ELOVL6: variants seen among roughly 807,000 people sequenced by gnomAD.
ELOVL6 encodes very long chain fatty acid elongase 6.
Under a neutral mutation model 31.7 loss-of-function variants are expected in ELOVL6, and 8 were observed. That is an observed-to-expected ratio of 0.25 (90% CI 0.15 to 0.45). ELOVL6 has a LOEUF of 0.45. Ranked by LOEUF, ELOVL6 falls within the 20% of genes least tolerant of loss-of-function variation. The pLI is 1.00. For synonymous variants in ELOVL6, 101 were observed against 117.7 expected, an observed-to-expected ratio of 0.86 and a Z score of 0.92; for missense variants, 126 against 326.4, an observed-to-expected ratio of 0.39 and a Z score of 4.73.
intron 2 of ELOVL6, among the ~76,000 whole-genome samples, chr4:110,083,075 T>TA (rs936376402): frequency 8.0e-5 from 12 of 150,466 alleles, no homozygotes; most frequent in East Asian, 5.8e-4. Flanking sequence ...TTTATTCACT[T>TA]AAAAAAAAAG....
chr4:110,144,669 G>A (rs548558082), intron 1 of ELOVL6, among the ~76,000 whole-genome samples: 9 of 152,228 alleles, frequency 5.9e-5, no homozygotes, highest in Non-Finnish European at 1.2e-4. Flanking sequence ...CATAATGGAT[G>A]CAGTTAGTGT....
At chr4:110,171,884 C>G (rs961898081) in intron 1 of ELOVL6, among the ~76,000 whole-genome samples, 1 of 151,776 alleles carries the variant, frequency 6.6e-6, no homozygotes, top group African/African-American at 2.4e-5. Flanking sequence ...GAGACAAGGT[C>G]TCACTATATT....
chr4:110,106,924 G>GT (rs1756907067), intron 1 of ELOVL6, among the ~76,000 whole-genome samples: 1 of 152,136 alleles, frequency 6.6e-6, no homozygotes, highest in African/African-American at 2.4e-5. Flanking sequence ...GAAAGCAACA[G>GT]AAACCTTATA....
chr4:110,088,996 T>C (rs751840077), intron 2 of ELOVL6, among the ~76,000 whole-genome samples: 3 of 152,200 alleles, frequency 2.0e-5, no homozygotes, highest in Admixed American at 6.5e-5. Context: ...TCGTGTTTCA[T>C]TGTAGGGACT....
intron 1 of ELOVL6, among the ~76,000 whole-genome samples, chr4:110,112,589 C>T (rs907346931): frequency 3.3e-5 from 5 of 152,174 alleles, no homozygotes; most frequent in Non-Finnish European, 5.9e-5. Context: ...AATTAAAATC[C>T]GGGCTGAGTG....
Position 110,076,122 on chromosome 4 carries a change from C to CAGCT in ELOVL6, c.222-16372_222-16369dup, listed in dbSNP as rs1311840258. On this transcript the variant is annotated intron_variant, in intron 2 of 3. Coordinates refer to ENST00000302274, the MANE Select transcript of ELOVL6 (RefSeq NM_024090.3). ...ACCGAACTCCATTTTCACACAGTCA[C>CAGCT]AGCTAGCATCCTGACAGACAGATGT... 9.2e-5 allele frequency among the ~76,000 whole-genome samples: 14 copies of CAGCT among 152,308 alleles called. No individual in the cohort carries two copies. The East Asian group carries it at 2.7e-3, about 29-fold the overall frequency.
intron 1 of ELOVL6, among the ~76,000 whole-genome samples, chr4:110,160,979 T>C (rs1160829746): frequency 1.3e-5 from 2 of 152,214 alleles, no homozygotes; most frequent in Non-Finnish European, 2.9e-5. Flanking sequence ...AGAATTCAAG[T>C]CATTATCCAG....
intron 1 of ELOVL6, among the ~76,000 whole-genome samples, chr4:110,196,101 AG>A (rs1759769384): frequency 6.6e-6 from 1 of 152,172 alleles, no homozygotes; most frequent in African/African-American, 2.4e-5. Flanking sequence ...AAGCAGGCCT[AG>A]GAAGTGGCCT....
Position 110,152,429 on chromosome 4 carries a change from C to T in ELOVL6, c.89+45818G>A, listed in dbSNP as rs533046135. Among the ~76,000 whole-genome samples the T allele has an allele frequency of 3.9e-5, 6 of 152,316 alleles. No individual in the cohort carries two copies. In the East Asian group the frequency reaches 1.2e-3, roughly 29 times the overall value. ...TTTCCCAAATCTTACCTCTCTGACA[C>T]CCAGCTCAGGATCACCTTTGTTTTA... On this transcript the variant is annotated intron_variant, in intron 1 of 3. Coordinates refer to ENST00000302274, the MANE Select transcript of ELOVL6 (RefSeq NM_024090.3).
At chr4:110,126,336 G>A (rs1757498407) in intron 1 of ELOVL6, among the ~76,000 whole-genome samples, 1 of 152,142 alleles carries the variant, frequency 6.6e-6, no homozygotes, top group Non-Finnish European at 1.5e-5. Flanking sequence ...ATGAGTCGCT[G>A]CACCCAACCC....
At chr4:110,119,105 C>G (rs114045114) in intron 1 of ELOVL6, among the ~76,000 whole-genome samples, 3,362 of 152,160 alleles carry the variant, frequency 0.022, 95 homozygotes, top group African/African-American at 0.068. Flanking sequence ...GTAGCAATAG[C>G]TCTATTTTCA....
At chr4:110,188,831 C>T (rs370034183) in intron 1 of ELOVL6, among the ~76,000 whole-genome samples, 2 of 145,208 alleles carry the variant, frequency 1.4e-5, no homozygotes, top group Admixed American at 7.0e-5. Context: ...GCAGAGGTTG[C>T]GGTGAGTCGA....
At chr4:110,087,828 T>G (rs1756313111) in intron 2 of ELOVL6, among the ~76,000 whole-genome samples, 2 of 152,070 alleles carry the variant, frequency 1.3e-5, no homozygotes, top group African/African-American at 4.8e-5. Context: ...ACCTCCTATT[T>G]TCTAGTTGGT....
chr4:110,158,657 A>ATTTTTTTTTT (rs1184682018), intron 1 of ELOVL6, among the ~76,000 whole-genome samples: 22 of 74,156 alleles, frequency 3.0e-4, no homozygotes, highest in African/African-American at 4.1e-4. Context: ...ATATATATAT[A>ATTTTTTTTTT]TTTTTTTTTT....
rs1754725808 is a variant in ELOVL6 at position 110,047,602 on chromosome 4, AT to A, written c.*3735del. 1 of 152,270 alleles carries A rather than the reference AT, an allele frequency of 6.6e-6. No homozygotes were observed. Among genetic ancestry groups the A allele is most frequent in the African/African-American group, 2.4e-5 (1 of 41,442 alleles). 9.4% of individuals were successfully genotyped at this position (152,270 alleles called of 1,614,324 possible). A position where few individuals can be genotyped will look rare whatever the true frequency, so the allele number is the denominator to read the frequency against. On this transcript the variant is annotated 3_prime_UTR_variant, in exon 4 of 4. Transcript: ENST00000302274. Reference sequence around the variant, plus strand: ...GATGCTACATCTGATTTAAAAAAACATTCTGGGCCAGGCACGGTGGCTCACG... The same window carrying A: ...GATGCTACATCTGATTTAAAAAAACATCTGGGCCAGGCACGGTGGCTCACG...
chr4:110,142,368 G>A (rs1198420953), intron 1 of ELOVL6, among the ~76,000 whole-genome samples: 3 of 151,970 alleles, frequency 2.0e-5, no homozygotes, highest in South Asian at 2.1e-4. Flanking sequence ...TTTTAGTAAC[G>A]TCCAAGGATT....
At chr4:110,186,286 C>A (rs929169610) in intron 1 of ELOVL6, among the ~76,000 whole-genome samples, 1 of 152,198 alleles carries the variant, frequency 6.6e-6, no homozygotes, top group African/African-American at 2.4e-5. Flanking sequence ...CCAACCCACA[C>A]AAAAATGCTA....
intron 1 of ELOVL6, among the ~76,000 whole-genome samples, chr4:110,120,587 G>A (rs1022894396): frequency 6.6e-6 from 1 of 151,984 alleles, no homozygotes; most frequent in African/African-American, 2.4e-5. Flanking sequence ...ATTGTTCCAG[G>A]CCACGAAATT....
chr4:110,081,100 G>T (rs866161010), intron 2 of ELOVL6, among the ~76,000 whole-genome samples: 1 of 152,036 alleles, frequency 6.6e-6, no homozygotes, highest in Non-Finnish European at 1.5e-5. Context: ...AGAGGATACA[G>T]ACAAATGGAA....
Sources: gnomAD v4.1 joint callset for allele counts (sites outside exome capture counted in the v4.1 genomes callset) on GRCh38, gnomAD v4.1.1 for gene constraint, MANE v1.5 for transcripts, NCBI Gene and HGNC (gene_info 2026-07-23, HGNC 2026-07-21) for gene names.